Variants in C10orf90 observed in about 807,000 individuals in gnomAD.
C10orf90 encodes the protein (E2-independent) E3 ubiquitin-conjugating enzyme FATS.
A neutral mutation model predicts 62.5 loss-of-function variants in C10orf90; 56 were observed. That is an observed-to-expected ratio of 0.90 (90% confidence interval 0.72 to 1.12). The LOEUF (loss-of-function observed/expected upper bound fraction) is 1.12. Among genes scored for constraint, C10orf90 ranks in the 50% most tolerant of loss-of-function variants. The pLI, the probability that C10orf90 is intolerant of heterozygous loss-of-function variation, is 0.00. For missense variants in C10orf90, 970 were observed against 880.4 expected (o/e 1.10, Z -1.29); for synonymous variants, 386 against 340.4 (o/e 1.13, Z -1.47).
At position 126,502,647 on chromosome 10, in the gene C10orf90, T is replaced by G. The variant is rs1564837948; in HGVS notation, c.1534+1310A>C. The G allele has an allele frequency of 8.7e-6, 3 of 343,474 alleles. No individual in the cohort carries two copies. The East Asian group carries it at 2.2e-4, about 26-fold the overall frequency. The allele number at this position is 343,474 out of a possible 1,614,324, so 21.3% of individuals were successfully genotyped here. A position where few individuals can be genotyped will look rare whatever the true frequency, so the allele number is the denominator to read the frequency against. ...AAATCCAAATTATTATTTCACACCA[T>G]GACACATGGTTTAAAAATGAGGATG... On this transcript the variant is annotated intron_variant, in intron 4 of 9. Transcript: ENST00000488181.
chr10:126,642,315 G>A (rs1365149132), intron 2 of C10orf90, among the ~76,000 whole-genome samples: 7 of 152,118 alleles, frequency 4.6e-5, no homozygotes, highest in Non-Finnish European at 1.0e-4. Flanking sequence ...GGCAGATCAC[G>A]AGGTCGGGAG....
rs1187231144 is a variant in C10orf90 at position 126,453,206 on chromosome 10, G to A, written c.2188+5834C>T. Among the ~76,000 whole-genome samples the A allele has an allele frequency of 6.6e-6, 1 of 152,174 alleles. No homozygotes were observed. Among genetic ancestry groups the A allele is most frequent in the African/African-American group, 2.4e-5 (1 of 41,448 alleles). On this transcript the variant is annotated intron_variant, in intron 7 of 9. Coordinates refer to ENST00000488181, the MANE Select transcript of C10orf90 (RefSeq NM_001350921.2). The surrounding 1 kb of genome is among the most constrained non-coding windows in gnomAD (Gnocchi z 4.9). ...ATGGCTCTGACTTGGCTCACCTTGG[G>A]AAGTGCGGATAATGCAATTTGGATG...
At chr10:126,561,901 C>A (rs936865584) in intron 2 of C10orf90, among the ~76,000 whole-genome samples, 2 of 152,234 alleles carry the variant, frequency 1.3e-5, no homozygotes, top group Non-Finnish European at 2.9e-5. Context: ...AAGAACCCCC[C>A]ACTGAGAGAT....
At chr10:126,584,258 C>T (rs1057177737) in intron 2 of C10orf90, among the ~76,000 whole-genome samples, 13 of 152,072 alleles carry the variant, frequency 8.5e-5, no homozygotes, top group Admixed American at 6.5e-4. Context: ...ATCTGTCTGC[C>T]TGCCTGCCTG....
intron 5 of C10orf90, among the ~76,000 whole-genome samples, chr10:126,461,846 G>A (rs1273818329): frequency 6.6e-6 from 1 of 152,158 alleles, no homozygotes; most frequent in Non-Finnish European, 1.5e-5. Context: ...TGATGGTTAG[G>A]ATGGCTTTGC....
At chr10:126,487,127 A>G (rs1401627883) in intron 4 of C10orf90, among the ~76,000 whole-genome samples, 1 of 148,024 alleles carries the variant, frequency 6.8e-6, no homozygotes, top group Admixed American at 6.7e-5. Context: ...CTGGGCAACA[A>G]CAGTAAAACT....
chr10:126,482,930 AC>A (rs1861238200), intron 4 of C10orf90, among the ~76,000 whole-genome samples: 1 of 152,162 alleles, frequency 6.6e-6, no homozygotes, highest in South Asian at 2.1e-4. Context: ...GGCTTGGGGG[AC>A]CCTTAATTTT....
chr10:126,606,608 G>A (rs868811746), intron 2 of C10orf90, among the ~76,000 whole-genome samples: 23 of 152,098 alleles, frequency 1.5e-4, no homozygotes, highest in Admixed American at 7.9e-4. Flanking sequence ...TCCCACCTCC[G>A]AGGAACTTTG....
intron 7 of C10orf90, among the ~76,000 whole-genome samples, chr10:126,438,803 G>A (rs757678073): frequency 1.3e-5 from 2 of 151,812 alleles, no homozygotes; most frequent in Non-Finnish European, 2.9e-5. Flanking sequence ...CAGGCCACAT[G>A]GCATCTCTTA....
chr10:126,459,238 A>T (rs142522717), intron 6 of C10orf90, 21 bp from the exon 7 acceptor site: 13 of 1,612,134 alleles, frequency 8.1e-6, no homozygotes, highest in South Asian at 1.1e-5. Context: ...CAAAGAAAAT[A>T]CGTCATTTTT....
chr10:126,663,097 G>GCAAAAA (rs1564915035), intron 1 of C10orf90, among the ~76,000 whole-genome samples: 1 of 152,198 alleles, frequency 6.6e-6, no homozygotes, highest in Non-Finnish European at 1.5e-5. Context: ...GGAGGAAGAG[G>GCAAAAA]ACCTAGAGTG....
intron 1 of C10orf90, among the ~76,000 whole-genome samples, chr10:126,667,304 C>T (rs1035455729): frequency 6.6e-6 from 1 of 151,764 alleles, no homozygotes; most frequent in Non-Finnish European, 1.5e-5. Flanking sequence ...GTGATCCACC[C>T]ACCTCAGCCT....
intron 1 of C10orf90, among the ~76,000 whole-genome samples, chr10:126,658,167 A>G (rs1039703484): frequency 2.6e-5 from 4 of 152,206 alleles, no homozygotes; most frequent in Non-Finnish European, 5.9e-5. Context: ...CCCGCTTCCC[A>G]TTGGAACCAG....
Position 126,495,478 on chromosome 10 carries a change from G to A in C10orf90, c.1534+8479C>T, listed in dbSNP as rs139976445. On this transcript the variant is annotated intron_variant, in intron 4 of 9. Coordinates refer to ENST00000488181, the MANE Select transcript of C10orf90 (RefSeq NM_001350921.2). ...TTTGTTTGCAGTAATGCCCTCATGGGGCTATGACCTAGCAGGGGAAATAAA... is the reference window on the plus strand; with the variant it reads ...TTTGTTTGCAGTAATGCCCTCATGGAGCTATGACCTAGCAGGGGAAATAAA... Among the ~76,000 whole-genome samples the A allele has an allele frequency of 5.6e-3, 854 of 152,260 alleles. 18 individuals carry two copies. Among genetic ancestry groups the A allele is most frequent in the Non-Finnish European group, 4.1e-3 (278 of 68,024 alleles).
In C10orf90 at chr10:126,477,076, ATTTTTTTTTTTTTTTTTTTTTTTTT is replaced by A. The variant is rs551973906; in HGVS notation, c.1535-12115_1535-12091del. On this transcript the variant is annotated intron_variant, in intron 4 of 9. Coordinates refer to ENST00000488181, the MANE Select transcript of C10orf90 (RefSeq NM_001350921.2). ...AGGTGCCCAACATCACGCCTGGCTA[ATTTTTTTTTTTTTTTTTTTTTTTTT>A]TTTTTTTTTTTTTTTTTGGATTTTT... is the stretch of plus-strand genomic sequence containing the variant. Among the ~76,000 whole-genome samples, 40 of 56,482 alleles carry A rather than the reference ATTTTTTTTTTTTTTTTTTTTTTTTT, an allele frequency of 7.1e-4. No homozygotes were observed. In the East Asian group the frequency reaches 8.1e-3, roughly 11 times the overall value. 37.1% of individuals were successfully genotyped at this position (56,482 alleles called of 152,430 possible).
intron 1 of C10orf90, among the ~76,000 whole-genome samples, chr10:126,668,655 G>A (rs978351930): frequency 2.0e-5 from 3 of 152,144 alleles, no homozygotes; most frequent in Non-Finnish European, 2.9e-5. Flanking sequence ...AACTTGGCCC[G>A]CCCTAGAGCT....
intron 1 of C10orf90, among the ~76,000 whole-genome samples, chr10:126,663,048 G>C (rs1846549800): frequency 6.6e-6 from 1 of 152,196 alleles, no homozygotes; most frequent in African/African-American, 2.4e-5. Flanking sequence ...ACAAGAGCCA[G>C]CCCAGGTGTT....
chr10:126,426,151 C>A, intron 8 of C10orf90, 61 bp from the exon 9 acceptor site: 2 of 1,345,100 alleles, frequency 1.5e-6, no homozygotes, highest in Non-Finnish European at 2.1e-6. Context: ...CGCTGTGGGG[C>A]TGCATCCTGT....
At chr10:126,518,520 A>G (rs1863562885) in intron 2 of C10orf90, among the ~76,000 whole-genome samples, 1 of 152,128 alleles carries the variant, frequency 6.6e-6, no homozygotes, top group Non-Finnish European at 1.5e-5. Context: ...CTTTTCACCA[A>G]TGGTTTCAAT....
Sources: gnomAD v4.1 joint callset for allele counts (sites outside exome capture counted in the v4.1 genomes callset) on GRCh38, gnomAD v4.1.1 for gene constraint, Gnocchi (gnomAD v3.1) non-coding constraint, MANE v1.5 for transcripts, NCBI Gene and HGNC (gene_info 2026-07-23, HGNC 2026-07-21) for gene names.